The following INTS3 variants were observed in gnomAD, a reference collection of about 807,000 sequenced individuals.
The protein encoded by INTS3 is SOSS complex subunit A.
Under a neutral mutation model 146.3 loss-of-function variants are expected in INTS3, and 34 were observed. The observed-to-expected ratio is 0.23, with a 90% confidence interval of 0.18 to 0.31. The LOEUF is 0.31. INTS3 is among the 10% of genes least tolerant of loss of function. The pLI is 1.00. For synonymous variants in INTS3, 475 were observed against 494.9 expected (o/e 0.96, Z 0.53); for missense variants, 757 against 1,304.2 (o/e 0.58, Z 6.46).
intron 14 of INTS3, among the ~76,000 whole-genome samples, chr1:153,762,065 A>C (rs1038650459): frequency 8.5e-5 from 13 of 152,222 alleles, no homozygotes; most frequent in African/African-American, 3.1e-4. Context: ...TACTCTCAAT[A>C]CAACTGCCAT....
intron 1 of INTS3, among the ~76,000 whole-genome samples, chr1:153,733,074 C>T (rs1008116760): frequency 6.6e-5 from 10 of 151,666 alleles, no homozygotes; most frequent in Non-Finnish European, 1.2e-4. Context: ...AACTCCTGAC[C>T]TCATGATCCA....
intron 20 of INTS3, chr1:153,767,012 C>G (rs181816147): frequency 6.6e-6 from 1 of 152,202 alleles, no homozygotes; most frequent in East Asian, 1.9e-4. Flanking sequence ...ACCCGGCCAA[C>G]TTTCAAGAAT....
At position 153,759,584 on chromosome 1, in the gene INTS3, G is replaced by A. The variant is rs1458389947; in HGVS notation, c.1208G>A (p.Ser403Asn). ...TTGTTTTATGACTGGCTGTTCTTTA[G>A]TCCAGACAAGGATAGCATTATGAAC... The part of the protein sequence containing the change: ...LALFYDWLFF[S>N]PDKDSIMNIE... Residue 403 changes from serine (S) to asparagine (N), a missense_variant, in exon 11 of 30, where the codon AGT becomes AAT. Coordinates refer to ENST00000318967, the MANE Select transcript of INTS3 (RefSeq NM_023015.5). 4 of 1,613,708 alleles carry A rather than the reference G, an allele frequency of 2.5e-6. No individual in the cohort carries two copies. Among genetic ancestry groups the A allele is most frequent in the Non-Finnish European group, 3.4e-6 (4 of 1,179,690 alleles).
intron 20 of INTS3, chr1:153,767,304 T>C (rs368390304): frequency 1.5e-5 from 3 of 196,202 alleles, no homozygotes; most frequent in African/African-American, 6.9e-5. Context: ...CATTTTGAGC[T>C]AAGTTTGTAT....
intron 16 of INTS3, 104 bp downstream of exon 16, chr1:153,763,466 AG>A (rs991409974): frequency 7.2e-6 from 9 of 1,254,226 alleles, no homozygotes; most frequent in Non-Finnish European, 1.0e-5. Flanking sequence ...CAAACATGAT[AG>A]GAGTGTGTGG....
In INTS3 at chr1:153,747,327, G is replaced by A. The variant is rs775781353; in HGVS notation, c.481G>A (p.Asp161Asn). The change falls in exon 5 of 30, where the codon GAT becomes AAT. Residue 161 changes from aspartate to asparagine, a missense_variant. Transcript: ENST00000318967. ...ELVKSGVLGA[D>N]GVCMTFMKQI... ...GGTGAAGAGTGGGGTTCTGGGAGCC[G>A]ATGGTGTTTGTATGACGTTTATGAA... 10 of 1,614,024 alleles carry A rather than the reference G, an allele frequency of 6.2e-6. No individual in the cohort carries two copies. Among genetic ancestry groups the A allele is most frequent in the African/African-American group, 2.7e-5 (2 of 74,914 alleles).
intron 13 of INTS3, chr1:153,761,321 G>T: frequency 2.0e-6 from 1 of 492,276 alleles, no homozygotes; most frequent in Non-Finnish European, 3.6e-6. Flanking sequence ...GACCTGCCTG[G>T]CCAACATGGC....
rs201052895 is a variant in INTS3, at chr1:153,772,306, C to T, written c.2721-34C>T. 9.4e-5 allele frequency: 151 copies of T among 1,605,792 alleles called. 4 individuals carry two copies. In the East Asian group the frequency reaches 1.6e-3, roughly 17 times the overall value. Reference sequence around the variant, plus strand: ...TGTCTCGCACTCTGGAACCCTCCCACACTCAGACTCTGGCTCTGGTGATTC... The same window carrying T: ...TGTCTCGCACTCTGGAACCCTCCCATACTCAGACTCTGGCTCTGGTGATTC... On this transcript the variant is annotated intron_variant, in intron 26 of 29. Coordinates refer to ENST00000318967, the MANE Select transcript of INTS3 (RefSeq NM_023015.5). The surrounding 1 kb of genome is among the most constrained non-coding windows in gnomAD (Gnocchi z 4.6).
chr1:153,751,038 TG>T, intron 6 of INTS3, 56 bp from the exon 7 acceptor site: 1 of 1,555,340 alleles, frequency 6.4e-7, no homozygotes, highest in Non-Finnish European at 8.8e-7. Flanking sequence ...AAGCGTGAAT[TG>T]GGAGGGTGAA....
At chr1:153,745,315 C>T (rs909016550) in intron 3 of INTS3, among the ~76,000 whole-genome samples, 5 of 151,910 alleles carry the variant, frequency 3.3e-5, no homozygotes, top group East Asian at 3.9e-4. Flanking sequence ...TGCCACCACA[C>T]GTAGCTAATT....
Position 153,772,536 on chromosome 1 carries a change from GC to G in INTS3, c.2821+98del. The G allele has an allele frequency of 6.2e-7, 1 of 1,611,344 alleles. No individual in the cohort carries two copies. Among genetic ancestry groups the G allele is most frequent in the Non-Finnish European group, 8.5e-7 (1 of 1,178,662 alleles). Reference sequence around the variant, plus strand: ...TGGGGGCAGGGGCAGGACACCCGGGGCCACAACCCACACTCGGGATAAAACA... The same window carrying G: ...TGGGGGCAGGGGCAGGACACCCGGGGCACAACCCACACTCGGGATAAAACA... On this transcript the variant is annotated intron_variant, in intron 27 of 29. Coordinates refer to ENST00000318967, the MANE Select transcript of INTS3 (RefSeq NM_023015.5). This position sits in a 1 kb window ranked among gnomAD's most constrained non-coding sequence, Gnocchi z 4.6.
At position 153,767,685 on chromosome 1, in the gene INTS3, C is replaced by T. The variant is rs767839697; in HGVS notation, c.2102C>T (p.Ala701Val). Residue 701 changes from alanine to valine, a missense_variant, in exon 21 of 30, where the codon GCA (alanine) becomes GTA (valine). Coordinates refer to ENST00000318967, the MANE Select transcript of INTS3 (RefSeq NM_023015.5). The part of the protein sequence containing the change: ...LYYLRASKAA[A>V]GKMNLYESFA... ...AGCTGGTCTTGCAGCAAAGCCGCCG[C>T]AGGGAAGATGAACCTGTACGAGTCA... 2.5e-6 allele frequency: 4 copies of T among 1,592,778 alleles called. No individual in the cohort carries two copies. The Admixed American group carries it at 6.8e-5, about 27-fold the overall frequency.
At chr1:153,736,101 GA>G (rs1423739647) in intron 1 of INTS3, among the ~76,000 whole-genome samples, 1 of 152,180 alleles carries the variant, frequency 6.6e-6, no homozygotes, top group African/African-American at 2.4e-5. Flanking sequence ...TATCATATAG[GA>G]GGTGGACTAG....
intron 8 of INTS3, among the ~76,000 whole-genome samples, 192 bp downstream of exon 8, chr1:153,752,600 A>G (rs1286087188): frequency 6.6e-6 from 1 of 152,208 alleles, no homozygotes; most frequent in Admixed American, 6.5e-5. Context: ...TGTAGTTCCT[A>G]GACAGCCCCT....
chr1:153,762,601 C>T lies in INTS3; in HGVS notation c.1517-127C>T, dbSNP rs931998426. The stretch of plus-strand genomic sequence containing the variant: ...GTCAAGAGGTTTGTCCTCCCAGGGT[C>T]AGTATTCCATTTAGATGATAAACTC... On this transcript the variant is annotated intron_variant, in intron 14 of 29. Coordinates refer to ENST00000318967, the MANE Select transcript of INTS3 (RefSeq NM_023015.5). The T allele has an allele frequency of 7.9e-6, 9 of 1,141,330 alleles. No individual in the cohort carries two copies. In the Admixed American group the frequency reaches 1.9e-4, roughly 24 times the overall value. 70.7% of individuals were successfully genotyped at this position (1,141,330 alleles called of 1,614,324 possible). A position where few individuals can be genotyped will look rare whatever the true frequency, so the allele number is the denominator to read the frequency against.
intron 6 of INTS3, 23 bp from the exon 7 acceptor site, chr1:153,751,072 G>GC (rs1269151730): frequency 2.5e-6 from 4 of 1,613,412 alleles, no homozygotes; most frequent in Non-Finnish European, 3.4e-6. Flanking sequence ...GAGCATAGGA[G>GC]CCAGTGTGTT....
intron 3 of INTS3, among the ~76,000 whole-genome samples, chr1:153,742,355 G>T (rs1372673083): frequency 6.6e-6 from 1 of 152,080 alleles, no homozygotes; most frequent in Non-Finnish European, 1.5e-5. Context: ...TTTCCAGTTG[G>T]GTGGTTTTAA....
chr1:153,733,115 A>G (rs528231685), intron 1 of INTS3, among the ~76,000 whole-genome samples: 1 of 148,474 alleles, frequency 6.7e-6, no homozygotes, highest in African/African-American at 2.5e-5. Context: ...TGCTGGGATT[A>G]CAGGAATGAG....
chr1:153,769,473 C>T (rs1444272870), intron 22 of INTS3, among the ~76,000 whole-genome samples: 1 of 152,138 alleles, frequency 6.6e-6, no homozygotes, highest in Non-Finnish European at 1.5e-5. Context: ...GCCCAACCTA[C>T]ATCCAGAGCC....
Sources: gnomAD v4.1 joint callset for allele counts (sites outside exome capture counted in the v4.1 genomes callset) on GRCh38, gnomAD v4.1.1 for gene constraint, Gnocchi (gnomAD v3.1) non-coding constraint, MANE v1.5 for transcripts, NCBI Gene and HGNC (gene_info 2026-07-23, HGNC 2026-07-21) for gene names.